FOXN1: variants seen among roughly 807,000 people sequenced by gnomAD.
FOXN1 encodes the protein forkhead box protein N1.
In FOXN1, 15 loss-of-function variants were observed where a neutral mutation model predicts 49.0. The ratio of observed to expected loss-of-function variants is 0.31; its 90% CI spans 0.20 to 0.47. The LOEUF (loss-of-function observed/expected upper bound fraction) is 0.47. Ranked by LOEUF, FOXN1 falls within the 20% of genes least tolerant of loss-of-function variation. The pLI is 1.00. For missense variants in FOXN1, 800 were observed against 842.8 expected (o/e 0.95, Z 0.63); for synonymous variants, 356 against 369.0 (o/e 0.96, Z 0.40).
At chr17:28,537,030 A>C (rs1014978605) in intron 8 of FOXN1, 87 bp from the exon 9 acceptor site, 1 of 1,012,116 alleles carries the variant, frequency 9.9e-7, no homozygotes, top group South Asian at 1.3e-5. Flanking sequence ...TGCTCTCTGC[A>C]GCATGTGAAG....
At chr17:28,521,629 T>C (rs2069643652) in intron 1 of FOXN1, among the ~76,000 whole-genome samples, 1 of 152,184 alleles carries the variant, frequency 6.6e-6, no homozygotes, top group Non-Finnish European at 1.5e-5. Flanking sequence ...CGCCAGGACA[T>C]CAAGAAGGGG....
intron 1 of FOXN1, among the ~76,000 whole-genome samples, chr17:28,522,239 C>T (rs551399979): frequency 6.6e-6 from 1 of 152,280 alleles, no homozygotes; most frequent in East Asian, 1.9e-4. Context: ...AGTGGCCAGC[C>T]CAGAGCAGAC....
At chr17:28,528,934 GC>G (rs1447989877) in intron 4 of FOXN1, among the ~76,000 whole-genome samples, 159 bp from the exon 5 acceptor site, 1 of 147,042 alleles carries the variant, frequency 6.8e-6, no homozygotes, top group African/African-American at 2.5e-5. Flanking sequence ...TCTCCTCACA[GC>G]CCCTCAGACA....
intron 6 of FOXN1, among the ~76,000 whole-genome samples, chr17:28,531,834 C>T (rs1460822509): frequency 2.6e-5 from 4 of 152,130 alleles, no homozygotes; most frequent in Non-Finnish European, 4.4e-5. Context: ...GATAATTTGA[C>T]GCTTGATGTT....
At chr17:28,514,326 G>A (rs1368819660) in intron 1 of FOXN1, among the ~76,000 whole-genome samples, 1 of 152,148 alleles carries the variant, frequency 6.6e-6, no homozygotes, top group African/African-American at 2.4e-5. Flanking sequence ...TGCCCATTCT[G>A]TCCCTACCTG....
At chr17:28,508,155 C>T (rs1300874913) in intron 1 of FOXN1, among the ~76,000 whole-genome samples, 5 of 152,228 alleles carry the variant, frequency 3.3e-5, no homozygotes, top group Non-Finnish European at 7.3e-5. Context: ...CCAGGGAGTT[C>T]TCAGAGGACT....
rs2069706785 is a variant in FOXN1 at position 28,524,081 on chromosome 17, G to T, written c.112G>T (p.Ala38Ser). 1 of 1,602,424 alleles carries T rather than the reference G, an allele frequency of 6.2e-7. No individual in the cohort carries two copies. The highest frequency in any genetic ancestry group is 1.7e-5 in the Admixed American group (1 of 58,258). ...GGCACCGGGCCTCCCAGGCTCCCCT[G>T]CCCCACAGAGTGTAAGTACCCGGCA... ...MQAPGLPGSP[A>S]PQSKHAGFSC... Residue 38 changes from alanine (A) to serine (S), a missense_variant, in exon 2 of 9, where the codon GCC becomes TCC. Physicochemically the swap from Ala to Ser is moderately conservative, Grantham distance 99. Around this residue, in one of 3 missense-constraint regions of FOXN1, gnomAD observed 383 missense variants for 357.9 expected, o/e 1.07. Coordinates refer to ENST00000579795, the MANE Select transcript of FOXN1 (RefSeq NM_001369369.1).
intron 1 of FOXN1, among the ~76,000 whole-genome samples, chr17:28,515,054 A>G (rs891769675): frequency 6.6e-6 from 1 of 152,098 alleles, no homozygotes; most frequent in African/African-American, 2.4e-5. Context: ...TCTGAGTCTC[A>G]GTTTCCTCAT....
rs745766812 is a variant in FOXN1, at chr17:28,524,675, A to G, written c.296A>G (p.Tyr99Cys). The part of the protein sequence containing the change: ...GPFRLSPSDK[Y>C]PGFGFEEAAA... ...TTCAGGCTCTCACCCTCAGACAAGT[A>G]TCCTGGCTTTGGCTTTGAGGAGGCC... Residue 99 changes from tyrosine (Y) to cysteine (C), a missense_variant, in exon 3 of 9, where the codon TAT (tyrosine) becomes TGT (cysteine). Physicochemically the swap from Tyr to Cys is radical, Grantham distance 194 (BLOSUM62 -2). This residue lies in a region of FOXN1 where 383 missense variants were observed against 357.9 expected (regional missense o/e 1.07). Coordinates refer to ENST00000579795, the MANE Select transcript of FOXN1 (RefSeq NM_001369369.1). The G allele has an allele frequency of 5.6e-6, 9 of 1,613,382 alleles. No individual in the cohort carries two copies. Among genetic ancestry groups the G allele is most frequent in the African/African-American group, 2.7e-5 (2 of 74,928 alleles).
intron 1 of FOXN1, among the ~76,000 whole-genome samples, chr17:28,509,219 C>T (rs2069333928): frequency 6.6e-6 from 1 of 151,822 alleles, no homozygotes; most frequent in African/African-American, 2.4e-5. Flanking sequence ...CTGTGCCCAA[C>T]TCCAACCTCA....
At chr17:28,517,621 C>T (rs1432361373) in intron 1 of FOXN1, among the ~76,000 whole-genome samples, 1 of 119,896 alleles carries the variant, frequency 8.3e-6, no homozygotes, top group African/African-American at 3.4e-5. Context: ...CATACCTCCA[C>T]AGGGTACACA....
intron 1 of FOXN1, among the ~76,000 whole-genome samples, chr17:28,523,517 C>A (rs2069683979): frequency 6.6e-6 from 1 of 152,216 alleles, no homozygotes; most frequent in Admixed American, 6.5e-5. Context: ...GGACCACCGA[C>A]TTGCCCAGTC....
chr17:28,538,046 C>G lies in FOXN1; in HGVS notation c.*610C>G, dbSNP rs757169785. 6.3e-6 allele frequency: 1 copy of G among 159,252 alleles called. No homozygotes were observed. The highest frequency in any genetic ancestry group is 1.4e-5 in the Non-Finnish European group (1 of 71,924). 9.9% of individuals were successfully genotyped at this position (159,252 alleles called of 1,614,324 possible). On this transcript the variant is annotated 3_prime_UTR_variant, in exon 9 of 9. Coordinates refer to ENST00000579795, the MANE Select transcript of FOXN1 (RefSeq NM_001369369.1). ...GACAGAGAGCTCCTCCCTGGGTTGTCTGTGGACCCCCCCAGGAGCTGCTAA... is the reference window on the plus strand; with the variant it reads ...GACAGAGAGCTCCTCCCTGGGTTGTGTGTGGACCCCCCCAGGAGCTGCTAA...
At chr17:28,514,251 T>C (rs1403543905) in intron 1 of FOXN1, among the ~76,000 whole-genome samples, 1 of 152,124 alleles carries the variant, frequency 6.6e-6, no homozygotes, top group African/African-American at 2.4e-5. Flanking sequence ...GTGGCTCACA[T>C]GGAGGAAAGC....
In FOXN1 at chr17:28,529,339, C is replaced by T. The variant is rs934937672; in HGVS notation, c.830+115C>T. On this transcript the variant is annotated intron_variant, in intron 5 of 8. Coordinates refer to ENST00000579795, the MANE Select transcript of FOXN1 (RefSeq NM_001369369.1). ...GTAATGGCAGCAGGTGGAAATCATA[C>T]CAGTGGGCTTCCAGAAGATGCTGGA... The T allele has an allele frequency of 3.1e-6, 4 of 1,294,176 alleles. No individual in the cohort carries two copies. In the African/African-American group the frequency reaches 5.8e-5, roughly 19 times the overall value. 80.2% of individuals were successfully genotyped at this position (1,294,176 alleles called of 1,614,324 possible). A position where few individuals can be genotyped will look rare whatever the true frequency, so the allele number is the denominator to read the frequency against.
intron 1 of FOXN1, among the ~76,000 whole-genome samples, chr17:28,521,594 CA>C (rs2151484039): frequency 6.6e-6 from 1 of 152,358 alleles, no homozygotes; most frequent in African/African-American, 2.4e-5. Flanking sequence ...GGTCACGCCA[CA>C]TTTAGCATTG....
chr17:28,518,101 G>A (rs1171334251), intron 1 of FOXN1, among the ~76,000 whole-genome samples: 1 of 147,972 alleles, frequency 6.8e-6, no homozygotes, highest in South Asian at 2.1e-4. Flanking sequence ...CCTCCACAGG[G>A]TACACACCTC....
intron 3 of FOXN1, among the ~76,000 whole-genome samples, chr17:28,525,223 T>G (rs929282612): frequency 6.6e-6 from 1 of 152,136 alleles, no homozygotes; most frequent in Admixed American, 6.5e-5. Flanking sequence ...AGGATTCCAG[T>G]GTGTGACTTC....
chr17:28,515,093 T>C (rs975124213), intron 1 of FOXN1, among the ~76,000 whole-genome samples: 8 of 152,098 alleles, frequency 5.3e-5, no homozygotes, highest in Non-Finnish European at 8.8e-5. Flanking sequence ...ATACAGCTCC[T>C]CCTTCCTGGG....
Sources: gnomAD v4.1 joint callset for allele counts (sites outside exome capture counted in the v4.1 genomes callset) on GRCh38, gnomAD v4.1.1 for gene constraint, gnomAD v4.1.1 regional missense constraint, MANE v1.5 for transcripts, NCBI Gene and HGNC (gene_info 2026-07-23, HGNC 2026-07-21) for gene names.